The following HNF4G variants were observed in gnomAD, a reference collection of about 807,000 sequenced individuals.
The protein encoded by HNF4G is hepatocyte nuclear factor 4 gamma.
Under a neutral mutation model 50.9 loss-of-function variants are expected in HNF4G, and 21 were observed. The observed-to-expected ratio is 0.41, with a 90% confidence interval of 0.29 to 0.59. HNF4G has a LOEUF of 0.59. HNF4G is among the 20% of genes least tolerant of loss of function. The pLI is 0.26. For synonymous variants in HNF4G, 198 were observed against 185.6 expected, an observed-to-expected ratio of 1.07 and a Z score of -0.54; for missense variants, 527 against 559.4, an observed-to-expected ratio of 0.94 and a Z score of 0.58.
upstream of HNF4G, among the ~76,000 whole-genome samples, chr8:75,535,809 G>C (rs16939090): frequency 0.02 from 3,007 of 151,812 alleles, 58 homozygotes; most frequent in Middle Eastern, 0.034. Flanking sequence ...CAAATATAAA[G>C]TATGGAACAA....
rs754675030 is a variant in HNF4G at position 75,484,282 on chromosome 8, G to C, written c.-143-5807G>C. Among the ~76,000 whole-genome samples, 3 of 152,264 alleles carry C rather than the reference G, an allele frequency of 2.0e-5. No individual in the cohort carries two copies. In the South Asian group the frequency reaches 6.2e-4, roughly 32 times the overall value. Reference sequence around the variant, plus strand: ...ATGATGAGCAATAAACAGTCATTACGAATCATGTTTTCAGTAAAATGGAAA... The same window carrying C: ...ATGATGAGCAATAAACAGTCATTACCAATCATGTTTTCAGTAAAATGGAAA... On this transcript the variant is annotated intron_variant, in intron 1 of 10. Transcript: ENST00000354370.
intron 2 of HNF4G, among the ~76,000 whole-genome samples, chr8:75,504,226 CACAG>C (rs1229882590): frequency 9.1e-6 from 1 of 110,120 alleles, no homozygotes; most frequent in Non-Finnish European, 1.8e-5. Context: ...GTCCAAAGCA[CACAG>C]ACACACACAC....
intron 1 of HNF4G, among the ~76,000 whole-genome samples, chr8:75,411,803 T>A (rs1427017200): frequency 6.6e-6 from 1 of 152,172 alleles, no homozygotes; most frequent in Non-Finnish European, 1.5e-5. Context: ...GGAGGGGTGC[T>A]TGGGCAACCT....
At chr8:75,497,320 G>A (rs1812796412) in intron 2 of HNF4G, among the ~76,000 whole-genome samples, 1 of 152,130 alleles carries the variant, frequency 6.6e-6, no homozygotes, top group Non-Finnish European at 1.5e-5. Context: ...GAGAGGGCTA[G>A]GTACTGCAGA....
At chr8:75,429,368 CT>C (rs369765326) in intron 1 of HNF4G, among the ~76,000 whole-genome samples, 3 of 151,508 alleles carry the variant, frequency 2.0e-5, no homozygotes, top group Non-Finnish European at 2.9e-5. Context: ...CTCTTTCTCT[CT>C]TTTTTTTTCT....
chr8:75,538,318 A>C (rs1377596415), upstream of HNF4G, among the ~76,000 whole-genome samples: 1 of 152,152 alleles, frequency 6.6e-6, no homozygotes, highest in Non-Finnish European at 1.5e-5. Context: ...CACCCGCGGG[A>C]ACAGACTAGG....
At chr8:75,535,288 A>G (rs1020601102), upstream of HNF4G, among the ~76,000 whole-genome samples, 9 of 151,856 alleles carry the variant, frequency 5.9e-5, no homozygotes, top group African/African-American at 2.2e-4. Context: ...AGAAGAAAAT[A>G]CAAGATTTCT....
Position 75,543,692 on chromosome 8 carries a change from A to C in HNF4G, c.119-119A>C, listed in dbSNP as rs1484985877. ...AGCCAGGGGTTAAAAGGAAAGCACCAGTGTGGGGTCTCCAAGAAGCCAATG... is the reference window on the plus strand; with the variant it reads ...AGCCAGGGGTTAAAAGGAAAGCACCCGTGTGGGGTCTCCAAGAAGCCAATG... On this transcript the variant is annotated intron_variant, in intron 1 of 9. Transcript: ENST00000396423. 6 of 735,894 alleles carry C rather than the reference A, an allele frequency of 8.2e-6. No individual in the cohort carries two copies. In the Admixed American group the frequency reaches 1.9e-4, roughly 23 times the overall value. The allele number at this position is 735,894 out of a possible 1,614,324, so 45.6% of individuals were successfully genotyped here.
At chr8:75,454,171 A>G (rs1159865191) in intron 1 of HNF4G, among the ~76,000 whole-genome samples, 1 of 151,582 alleles carries the variant, frequency 6.6e-6, no homozygotes, top group Non-Finnish European at 1.5e-5. Flanking sequence ...GGACACAGCA[A>G]GAAGGCAACT....
chr8:75,526,359 A>T (rs746322690), intron 2 of HNF4G, among the ~76,000 whole-genome samples: 4 of 152,064 alleles, frequency 2.6e-5, no homozygotes, highest in Non-Finnish European at 5.9e-5. Flanking sequence ...CCTCTAAATC[A>T]ATACGTGGAC....
intron 2 of HNF4G, among the ~76,000 whole-genome samples, chr8:75,491,898 A>G (rs1011157249): frequency 2.6e-4 from 39 of 152,322 alleles, no homozygotes; most frequent in African/African-American, 7.5e-4. Context: ...TGGTTAAGAG[A>G]TGGGCACACA....
At chr8:75,465,819 T>G (rs961625728) in intron 1 of HNF4G, among the ~76,000 whole-genome samples, 2 of 152,154 alleles carry the variant, frequency 1.3e-5, no homozygotes, top group Non-Finnish European at 2.9e-5. Flanking sequence ...AAAATTGAAC[T>G]TTCTTGACTA....
At chr8:75,461,471 T>A (rs963988837) in intron 1 of HNF4G, among the ~76,000 whole-genome samples, 3 of 152,204 alleles carry the variant, frequency 2.0e-5, no homozygotes, top group Non-Finnish European at 2.9e-5. Context: ...CCCACTTAGA[T>A]AATCCAGGAC....
At chr8:75,413,854 C>T (rs1810563822) in intron 1 of HNF4G, among the ~76,000 whole-genome samples, 1 of 145,958 alleles carries the variant, frequency 6.9e-6, no homozygotes, top group South Asian at 2.2e-4. Flanking sequence ...GAGACTTTGT[C>T]TAAAAGATTT....
chr8:75,478,982 G>A (rs1436736389), intron 1 of HNF4G, among the ~76,000 whole-genome samples: 4 of 152,104 alleles, frequency 2.6e-5, no homozygotes, highest in Non-Finnish European at 5.9e-5. Context: ...TCGGCCTCCC[G>A]AAGTGATAGA....
At chr8:75,492,313 T>A (rs114616806) in intron 2 of HNF4G, among the ~76,000 whole-genome samples, 1 of 152,276 alleles carries the variant, frequency 6.6e-6, no homozygotes, top group African/African-American at 2.4e-5. Flanking sequence ...GTGTCTGAGA[T>A]CAGATAGAGT....
At chr8:75,484,837 T>A (rs1347245036) in intron 1 of HNF4G, among the ~76,000 whole-genome samples, 3 of 152,208 alleles carry the variant, frequency 2.0e-5, no homozygotes, top group African/African-American at 7.2e-5. Flanking sequence ...TGACATAATT[T>A]CATTGAGACT....
intron 1 of HNF4G, among the ~76,000 whole-genome samples, chr8:75,451,541 G>A (rs981614477): frequency 1.3e-5 from 2 of 152,114 alleles, no homozygotes; most frequent in Non-Finnish European, 2.9e-5. Flanking sequence ...TGAAGGTTAA[G>A]TTTCATTCTT....
In HNF4G at chr8:75,522,970, T is replaced by C. The variant is rs1806085502; in HGVS notation, c.-23-20841T>C. ...GGCCAGACGCGGTGGTTCATGCCTG[T>C]AATCCCAGCACTTTGGGAGGTCTAG... On this transcript the variant is annotated intron_variant, in intron 2 of 10. Transcript: ENST00000354370. 3.3e-5 allele frequency among the ~76,000 whole-genome samples: 5 copies of C among 152,166 alleles called. No homozygotes were observed. The South Asian group carries it at 1.0e-3, about 32-fold the overall frequency.
Sources: gnomAD v4.1 joint callset for allele counts (sites outside exome capture counted in the v4.1 genomes callset) on GRCh38, gnomAD v4.1.1 for gene constraint, MANE v1.5 for transcripts, NCBI Gene and HGNC (gene_info 2026-07-23, HGNC 2026-07-21) for gene names.